The following TANC2 variants were observed in gnomAD, a reference collection of about 807,000 sequenced individuals.
TANC2 encodes protein TANC2.
A neutral mutation model predicts 210.5 loss-of-function variants in TANC2; 26 were observed. The ratio of observed to expected loss-of-function variants is 0.12; its 90% CI spans 0.09 to 0.17. The LOEUF (loss-of-function observed/expected upper bound fraction) is 0.17, where lower values mean the gene tolerates loss of function less well. TANC2 is among the 10% of genes least tolerant of loss of function. The pLI, the probability that TANC2 is intolerant of heterozygous loss-of-function variation, is 1.00. For synonymous variants in TANC2, 931 were observed against 967.1 expected (o/e 0.96, Z 0.69); for missense variants, 2,129 against 2,608.9 (o/e 0.82, Z 4.01).
At chr17:63,363,442 T>C (rs1184231231) in intron 14 of TANC2, among the ~76,000 whole-genome samples, 3 of 152,238 alleles carry the variant, frequency 2.0e-5, no homozygotes, top group Admixed American at 1.3e-4. Flanking sequence ...TCCAGACCAA[T>C]GTCTTGAAAA....
intron 11 of TANC2, chr17:63,331,884 G>GTGTA: frequency 4.6e-6 from 1 of 216,100 alleles, no homozygotes; most frequent in Non-Finnish European, 9.0e-6. Context: ...GTGTGTGTGT[G>GTGTA]TGTGTGTATT....
At chr17:63,147,694 T>A (rs1032021431) in intron 4 of TANC2, among the ~76,000 whole-genome samples, 6 of 152,208 alleles carry the variant, frequency 3.9e-5, no homozygotes, top group Non-Finnish European at 7.3e-5. Context: ...GAACCCATGG[T>A]CTAAAGAATA....
chr17:62,981,982 T>C (rs2032326851), intron 1 of TANC2, among the ~76,000 whole-genome samples: 1 of 152,218 alleles, frequency 6.6e-6, no homozygotes, highest in East Asian at 1.9e-4. Context: ...TAGCAAATCA[T>C]ACGTTGTTTA....
At chr17:63,270,662 G>A (rs1165674320) in intron 9 of TANC2, among the ~76,000 whole-genome samples, 2 of 152,080 alleles carry the variant, frequency 1.3e-5, no homozygotes, top group African/African-American at 2.4e-5. Flanking sequence ...GACAAGTTCT[G>A]TGAAATAGGT....
At chr17:63,123,606 A>G (rs538596219) in intron 4 of TANC2, among the ~76,000 whole-genome samples, 105 of 151,514 alleles carry the variant, frequency 6.9e-4, no homozygotes, top group Non-Finnish European at 1.3e-3. Flanking sequence ...CACTTTGAAA[A>G]TAAGTAAGGT....
intron 8 of TANC2, among the ~76,000 whole-genome samples, chr17:63,249,238 T>C (rs2042993733): frequency 6.6e-6 from 1 of 152,212 alleles, no homozygotes; most frequent in Admixed American, 6.5e-5. Flanking sequence ...TAAACTTAGC[T>C]GTTCATACAC....
chr17:63,131,270 T>C (rs2038907567), intron 4 of TANC2, among the ~76,000 whole-genome samples: 2 of 152,212 alleles, frequency 1.3e-5, no homozygotes, highest in Non-Finnish European at 1.5e-5. Context: ...TAATTACTGT[T>C]ACATCAGTAT....
At chr17:63,349,088 TGTAA>T (rs1021900819) in intron 12 of TANC2, among the ~76,000 whole-genome samples, 13 of 152,032 alleles carry the variant, frequency 8.6e-5, no homozygotes, top group African/African-American at 2.4e-4. Context: ...GTAGGTGACT[TGTAA>T]GTAATTCCTT....
At chr17:63,272,767 T>C (rs2043751990) in intron 9 of TANC2, among the ~76,000 whole-genome samples, 1 of 152,150 alleles carries the variant, frequency 6.6e-6, no homozygotes, top group African/African-American at 2.4e-5. Context: ...AGTTAATGCT[T>C]ATATACACTG....
At chr17:63,176,307 G>C (rs538403047) in intron 5 of TANC2, among the ~76,000 whole-genome samples, 3 of 152,106 alleles carry the variant, frequency 2.0e-5, no homozygotes, top group Admixed American at 6.5e-5. Context: ...TTATCAGCAG[G>C]GAAACAACAA....
intron 7 of TANC2, among the ~76,000 whole-genome samples, chr17:63,224,756 G>A (rs750067903): frequency 2.0e-5 from 3 of 152,152 alleles, no homozygotes; most frequent in Non-Finnish European, 2.9e-5. Flanking sequence ...CTTAGTGAAA[G>A]GAGTGTCCAT....
At chr17:63,413,756 C>T in intron 25 of TANC2, 122 bp downstream of exon 25, 1 of 880,802 alleles carries the variant, frequency 1.1e-6, no homozygotes, top group Non-Finnish European at 1.7e-6. Context: ...ACTACTGTTC[C>T]TCAGTGATGG....
intron 3 of TANC2, among the ~76,000 whole-genome samples, chr17:63,097,922 C>G (rs564737493): frequency 6.6e-6 from 1 of 152,106 alleles, no homozygotes; most frequent in African/African-American, 2.4e-5. Context: ...TTCCAGTTTA[C>G]TGATTTGATG....
chr17:63,392,858 G>T (rs1482463104), intron 17 of TANC2, among the ~76,000 whole-genome samples: 1 of 151,712 alleles, frequency 6.6e-6, no homozygotes, highest in East Asian at 1.9e-4. Context: ...TAATTCTCTT[G>T]TAGGCAAAAA....
intron 1 of TANC2, among the ~76,000 whole-genome samples, chr17:62,968,789 T>C (rs2031515334): frequency 6.6e-6 from 1 of 152,232 alleles, no homozygotes; most frequent in Non-Finnish European, 1.5e-5. Context: ...TGAAGGGCTT[T>C]AAACTTACTG....
At chr17:62,981,855 A>G (rs200056571) in intron 1 of TANC2, among the ~76,000 whole-genome samples, 1 of 152,350 alleles carries the variant, frequency 6.6e-6, no homozygotes, top group East Asian at 1.9e-4. Context: ...CATAAAGGAT[A>G]CAAATCAGCA....
At chr17:63,013,762 TAA>T (rs34126221) in intron 2 of TANC2, among the ~76,000 whole-genome samples, 29 of 101,752 alleles carry the variant, frequency 2.9e-4, no homozygotes, top group South Asian at 3.9e-4. Context: ...ACCCTGTCTT[TAA>T]AAAAAAAAAA....
chr17:63,011,309 A>C (rs1344942015), intron 2 of TANC2, among the ~76,000 whole-genome samples: 1 of 151,924 alleles, frequency 6.6e-6, no homozygotes, highest in Non-Finnish European at 1.5e-5. Context: ...CAGAAAATCT[A>C]TTCTGTATTA....
intron 25 of TANC2, 56 bp from the exon 26 acceptor site, chr17:63,415,472 T>C: frequency 6.3e-7 from 1 of 1,597,174 alleles, no homozygotes; most frequent in Non-Finnish European, 8.5e-7. Flanking sequence ...GGGACCACAC[T>C]TCCTCAGCTG....
Sources: gnomAD v4.1 joint callset for allele counts (sites outside exome capture counted in the v4.1 genomes callset) on GRCh38, gnomAD v4.1.1 for gene constraint, MANE v1.5 for transcripts, NCBI Gene and HGNC (gene_info 2026-07-23, HGNC 2026-07-21) for gene names.